FUT8: variants seen among roughly 807,000 people sequenced by gnomAD.
The protein encoded by FUT8 is alpha-(1,6)-fucosyltransferase.
A neutral mutation model predicts 71.3 loss-of-function variants in FUT8; 29 were observed. The ratio of observed to expected loss-of-function variants is 0.41; its 90% CI spans 0.30 to 0.55. The LOEUF (loss-of-function observed/expected upper bound fraction) is 0.55, where lower values mean the gene tolerates loss of function less well. Among genes scored for constraint, FUT8 ranks in the 20% least tolerant of loss-of-function variants. FUT8 has a pLI of 0.34. For synonymous variants in FUT8, 254 were observed against 239.3 expected (o/e 1.06, Z -0.57); for missense variants, 544 against 702.1 (o/e 0.77, Z 2.55).
At chr14:65,632,232 G>GTAGA (rs1433633199) in intron 6 of FUT8, among the ~76,000 whole-genome samples, 7 of 152,148 alleles carry the variant, frequency 4.6e-5, no homozygotes, top group South Asian at 4.1e-4. Flanking sequence ...CTTTTACTGG[G>GTAGA]TAGATACCCA....
intron 2 of FUT8, among the ~76,000 whole-genome samples, chr14:65,530,808 GCTCTTTCTCT>G (rs1412032571): frequency 6.1e-5 from 9 of 146,454 alleles, no homozygotes; most frequent in Non-Finnish European, 1.2e-4. Context: ...TCTCTCTCTC[GCTCTTTCTCT>G]CTCTCTCTCT....
the FUT8 span, among the ~76,000 whole-genome samples, chr14:65,373,457 A>T: frequency 4.6e-5 from 7 of 151,840 alleles, no homozygotes; most frequent in Admixed American, 6.6e-5. Flanking sequence ...CGGCTGGGGC[A>T]GTCAGAGAGG....
At chr14:65,639,765 A>G (rs1037056772) in intron 6 of FUT8, among the ~76,000 whole-genome samples, 1 of 152,076 alleles carries the variant, frequency 6.6e-6, no homozygotes, top group African/African-American at 2.4e-5. Context: ...GTTTTGTTTC[A>G]TCTGTACTAC....
At chr14:65,370,106 T>A in the FUT8 span, among the ~76,000 whole-genome samples, 66 of 150,280 alleles carry the variant, frequency 4.4e-4, no homozygotes, top group Non-Finnish European at 1.9e-4. Context: ...ATAAAAAAAA[T>A]GGTAACTACA....
chr14:65,653,557 T>C (rs1337535251), intron 6 of FUT8, among the ~76,000 whole-genome samples: 2 of 152,330 alleles, frequency 1.3e-5, no homozygotes, highest in East Asian at 1.9e-4. Context: ...CATTCCCAGA[T>C]ACTTTTTAAG....
the FUT8 span, among the ~76,000 whole-genome samples, chr14:65,373,185 G>C: frequency 2.0e-5 from 3 of 151,830 alleles, no homozygotes; most frequent in Non-Finnish European, 2.9e-5. Context: ...GGGCGATTGT[G>C]ATATGGACAG....
rs544116686 is a variant in FUT8, at chr14:65,738,588, T to G, written c.1411-3505T>G. Among the ~76,000 whole-genome samples the G allele has an allele frequency of 7.0e-4, 106 of 152,222 alleles. 1 individual carries two copies. Among genetic ancestry groups the G allele is most frequent in the Admixed American group, 4.8e-3 (74 of 15,282 alleles). On this transcript the variant is annotated intron_variant, in intron 10 of 10. Transcript: ENST00000673929. ...AACCACTGCTTTGCAAACCATGGACTGCTCTCAGTCATGCCACCTGTCAAG... is the reference window on the plus strand; with the variant it reads ...AACCACTGCTTTGCAAACCATGGACGGCTCTCAGTCATGCCACCTGTCAAG...
At chr14:65,634,588 G>C (rs924797606) in intron 6 of FUT8, among the ~76,000 whole-genome samples, 14 of 151,082 alleles carry the variant, frequency 9.3e-5, no homozygotes, top group African/African-American at 3.4e-4. Flanking sequence ...AAAAGAAAAG[G>C]GTGTCCTTTC....
the FUT8 span, among the ~76,000 whole-genome samples, chr14:65,397,102 A>G: frequency 6.6e-6 from 1 of 152,214 alleles, no homozygotes; most frequent in Non-Finnish European, 1.5e-5. The surrounding 1 kb of genome is among the most constrained non-coding windows in gnomAD (Gnocchi z 4.2). Flanking sequence ...CCTCTATCTT[A>G]TAGTGGGATG....
intron 8 of FUT8, among the ~76,000 whole-genome samples, 172 bp from the exon 9 acceptor site, chr14:65,723,975 T>A (rs886322906): frequency 1.3e-5 from 2 of 152,262 alleles, no homozygotes; most frequent in Non-Finnish European, 2.9e-5. Context: ...ATTTAGAATA[T>A]GTATTTTTGA....
intron 6 of FUT8, among the ~76,000 whole-genome samples, chr14:65,656,447 A>G (rs896642042): frequency 6.6e-5 from 10 of 152,220 alleles, no homozygotes; most frequent in African/African-American, 2.4e-4. Context: ...GATCTCTACA[A>G]TGCAAACTAT....
the FUT8 span, among the ~76,000 whole-genome samples, chr14:65,369,111 T>C: frequency 6.6e-6 from 1 of 152,270 alleles, no homozygotes; most frequent in African/African-American, 2.4e-5. The surrounding 1 kb of genome is among the most constrained non-coding windows in gnomAD (Gnocchi z 4.6). Flanking sequence ...GTAGAGCACT[T>C]AAAATGAACT....
At chr14:65,379,922 G>A in the FUT8 span, among the ~76,000 whole-genome samples, 1 of 152,172 alleles carries the variant, frequency 6.6e-6, no homozygotes, top group East Asian at 1.9e-4. Flanking sequence ...AAGGGCCTTA[G>A]CTAGTTCCCT....
At position 65,627,556 on chromosome 14, in the gene FUT8, T is replaced by C. The variant is rs1325510902; in HGVS notation, c.483-1936T>C. Among the ~76,000 whole-genome samples, 1 of 152,228 alleles carries C rather than the reference T, an allele frequency of 6.6e-6. No homozygotes were observed. The highest frequency in any genetic ancestry group is 1.5e-5 in the Non-Finnish European group (1 of 68,040). On this transcript the variant is annotated intron_variant, in intron 5 of 10. Transcript: ENST00000673929. The surrounding 1 kb of genome is among the most constrained non-coding windows in gnomAD (Gnocchi z 4.0). ...GCATTTCTTCTTACCTGATTTTTCCTTGGGGCAGGCTGTCTGCATGAGCAA... is the reference window on the plus strand; with the variant it reads ...GCATTTCTTCTTACCTGATTTTTCCCTGGGGCAGGCTGTCTGCATGAGCAA...
chr14:65,545,707 C>T (rs527302188), intron 2 of FUT8, among the ~76,000 whole-genome samples: 2 of 151,800 alleles, frequency 1.3e-5, no homozygotes, highest in East Asian at 3.9e-4. Flanking sequence ...TTTAGGAAAT[C>T]ACTATTATTT....
Position 65,472,579 on chromosome 14 carries a change from T to G in FUT8, c.-228+16861T>G, listed in dbSNP as rs565667496. Among the ~76,000 whole-genome samples the G allele has an allele frequency of 6.6e-5, 10 of 152,270 alleles. No homozygotes were observed. The highest frequency in any genetic ancestry group is 5.9e-4 in the Admixed American group (9 of 15,296). On this transcript the variant is annotated intron_variant, in intron 2 of 10. Transcript: ENST00000673929. This position sits in a 1 kb window ranked among gnomAD's most constrained non-coding sequence, Gnocchi z 4.4. ...CTTATACTGTAAAAAAAAAAACAAC[T>G]TTATTTTTATAGCCTTTTTGGGTGT...
the FUT8 span, among the ~76,000 whole-genome samples, chr14:65,380,022 A>T: frequency 6.6e-6 from 1 of 152,240 alleles, no homozygotes. Context: ...TAATACCAGC[A>T]CAATAGGGAT....
At chr14:65,731,277 A>G (rs1046049358) in intron 9 of FUT8, among the ~76,000 whole-genome samples, 6 of 152,372 alleles carry the variant, frequency 3.9e-5, no homozygotes, top group African/African-American at 1.4e-4. Flanking sequence ...GTGAAGTCAC[A>G]AAGAGAAGTA....
chr14:65,451,013 C>T lies in FUT8; in HGVS notation c.-325-4608C>T, dbSNP rs541918808. ...CTGGGACTACAGGCGCCTGCCACCG[C>T]ACCCCGCTAATTTTTTGTATTTTTG... On this transcript the variant is annotated intron_variant, in intron 1 of 10. Transcript: ENST00000673929. 1.2e-4 allele frequency among the ~76,000 whole-genome samples: 19 copies of T among 152,188 alleles called. No homozygotes were observed. In the East Asian group the frequency reaches 1.9e-3, roughly 15 times the overall value.
Sources: gnomAD v4.1 joint callset for allele counts (sites outside exome capture counted in the v4.1 genomes callset) on GRCh38, gnomAD v4.1.1 for gene constraint, Gnocchi (gnomAD v3.1) non-coding constraint, MANE v1.5 for transcripts, NCBI Gene and HGNC (gene_info 2026-07-23, HGNC 2026-07-21) for gene names.